The following THSD7B variants were observed in gnomAD, a reference collection of about 807,000 sequenced individuals.
The protein encoded by THSD7B is thrombospondin type-1 domain-containing protein 7B.
A neutral mutation model predicts 213.6 loss-of-function variants in THSD7B; 138 were observed. That is an observed-to-expected ratio of 0.65 (90% CI 0.56 to 0.74). The LOEUF (loss-of-function observed/expected upper bound fraction) is 0.74. Ranked by LOEUF, THSD7B falls within the 30% of genes least tolerant of loss-of-function variation. The pLI, the probability that THSD7B is intolerant of heterozygous loss-of-function variation, is 0.00. For missense variants in THSD7B, 1,931 were observed against 1,991.5 expected, an observed-to-expected ratio of 0.97 and a Z score of 0.58; for synonymous variants, 742 against 687.0, an observed-to-expected ratio of 1.08 and a Z score of -1.25.
At chr2:137,598,680 G>T (rs1469836168) in intron 17 of THSD7B, among the ~76,000 whole-genome samples, 1 of 152,150 alleles carries the variant, frequency 6.6e-6, no homozygotes, top group Non-Finnish European at 1.5e-5. Flanking sequence ...TCCTGATATT[G>T]TTAATGTGTT....
chr2:137,262,447 G>C (rs1169351703), intron 10 of THSD7B, among the ~76,000 whole-genome samples: 1 of 149,964 alleles, frequency 6.7e-6, no homozygotes, highest in Non-Finnish European at 1.5e-5. Context: ...AAGGGGTCAG[G>C]ATTTGCGGAA....
chr2:137,655,597 CTG>C lies in THSD7B; in HGVS notation c.4047_4048del (p.Cys1349TrpfsTer34). On this transcript the variant is annotated frameshift_variant, in exon 22 of 28. Coordinates refer to ENST00000409968, the MANE Select transcript of THSD7B (RefSeq NM_001316349.2). LOFTEE classifies it high-confidence loss of function. ...SHAAGRVEDA[L>X]CGEMPFQDSI... ...TGCAGCTGGACGTGTCGAGGATGCACTGTGTGGAGAAATGCCCTTTCAGGACA... is the reference window on the plus strand; with the variant it reads ...TGCAGCTGGACGTGTCGAGGATGCACTGTGGAGAAATGCCCTTTCAGGACA... The C allele has an allele frequency of 6.2e-7, 1 of 1,613,072 alleles. No individual in the cohort carries two copies. The highest frequency in any genetic ancestry group is 8.5e-7 in the Non-Finnish European group (1 of 1,179,578).
At chr2:136,902,318 A>G (rs747693707) in intron 2 of THSD7B, among the ~76,000 whole-genome samples, 6 of 152,238 alleles carry the variant, frequency 3.9e-5, no homozygotes, top group Non-Finnish European at 8.8e-5. Flanking sequence ...AGTACAATTT[A>G]TGTTTTAATA....
intron 20 of THSD7B, among the ~76,000 whole-genome samples, chr2:137,639,299 C>T (rs1682893703): frequency 6.6e-6 from 1 of 152,144 alleles, no homozygotes; most frequent in African/African-American, 2.4e-5. Flanking sequence ...TTGGCAGCTT[C>T]CATGTGGTGT....
intron 1 of THSD7B, among the ~76,000 whole-genome samples, chr2:136,810,830 T>C (rs1361218504): frequency 1.3e-5 from 2 of 152,216 alleles, no homozygotes; most frequent in African/African-American, 4.8e-5. Flanking sequence ...AAATAAAATG[T>C]GATGACATTG....
intron 13 of THSD7B, among the ~76,000 whole-genome samples, chr2:137,406,719 G>A (rs1165009453): frequency 8.5e-5 from 13 of 152,164 alleles, no homozygotes; most frequent in Non-Finnish European, 1.8e-4. Context: ...GGCTTTAACA[G>A]GATTTCTGCA....
intron 22 of THSD7B, 149 bp downstream of exon 22, chr2:137,655,809 T>C (rs62168468): frequency 9.6e-7 from 1 of 1,039,842 alleles, no homozygotes; most frequent in Non-Finnish European, 1.3e-6. Flanking sequence ...CTTTGGTATA[T>C]ACCTACGGCT....
chr2:137,088,805 G>A (rs112796072), intron 3 of THSD7B, among the ~76,000 whole-genome samples: 1,577 of 152,104 alleles, frequency 0.01, 14 homozygotes, highest in Middle Eastern at 0.027. Flanking sequence ...CAAAAAGTGG[G>A]CTAAGGACAT....
In THSD7B at chr2:137,365,347, C is replaced by T. The variant is rs189536214; in HGVS notation, c.2501-40266C>T. ...TAGGCATGGGCAAGGACTTCATGACCAAAACACCAAAAGCAATGGCAACAA... is the reference window on the plus strand; with the variant it reads ...TAGGCATGGGCAAGGACTTCATGACTAAAACACCAAAAGCAATGGCAACAA... On this transcript the variant is annotated intron_variant, in intron 12 of 27. Transcript: ENST00000409968. Among the ~76,000 whole-genome samples, 37 of 152,120 alleles carry T rather than the reference C, an allele frequency of 2.4e-4. No homozygotes were observed. In the East Asian group the frequency reaches 7.2e-3, roughly 29 times the overall value.
At chr2:137,206,330 A>G (rs547129131) in intron 7 of THSD7B, among the ~76,000 whole-genome samples, 1 of 152,200 alleles carries the variant, frequency 6.6e-6, no homozygotes, top group South Asian at 2.1e-4. Flanking sequence ...TAAACAGGGA[A>G]ATGGAAATGA....
intron 5 of THSD7B, among the ~76,000 whole-genome samples, chr2:137,117,283 A>C (rs1688462217): frequency 6.6e-6 from 1 of 152,160 alleles, no homozygotes; most frequent in Non-Finnish European, 1.5e-5. Context: ...ACAAATCTGG[A>C]ATGAGAATTT....
chr2:137,025,109 TAG>T (rs1484925862), intron 2 of THSD7B, among the ~76,000 whole-genome samples: 6 of 152,168 alleles, frequency 3.9e-5, no homozygotes, highest in African/African-American at 1.2e-4. Context: ...AGTTCCCCGT[TAG>T]AGTTAAAGTC....
At chr2:137,333,559 C>G (rs1434720024) in intron 12 of THSD7B, among the ~76,000 whole-genome samples, 1 of 152,182 alleles carries the variant, frequency 6.6e-6, no homozygotes, top group Non-Finnish European at 1.5e-5. Context: ...TTGGCACATC[C>G]TGCACTTCAT....
Position 137,437,005 on chromosome 2 carries a change from C to A in THSD7B, c.2960-13840C>A, listed in dbSNP as rs192134867. ...ATAGGTTAGTTTTACCTAATTATTT[C>A]CAATAGCAGCAAAATGAATATTTGT... On this transcript the variant is annotated intron_variant, in intron 14 of 27. Transcript: ENST00000409968. Among the ~76,000 whole-genome samples the A allele has an allele frequency of 2.7e-3, 418 of 152,176 alleles. 1 individual carries two copies. Among genetic ancestry groups the A allele is most frequent in the African/African-American group, 9.1e-3 (376 of 41,532 alleles).
intron 7 of THSD7B, among the ~76,000 whole-genome samples, chr2:137,226,303 C>T (rs111921018): frequency 0.012 from 1,782 of 151,730 alleles, 34 homozygotes; most frequent in African/African-American, 0.041. Flanking sequence ...TGTTGGTCTA[C>T]TTTTCAAATT....
intron 15 of THSD7B, among the ~76,000 whole-genome samples, chr2:137,490,058 A>G (rs757089540): frequency 1.1e-4 from 16 of 152,214 alleles, no homozygotes; most frequent in Non-Finnish European, 1.9e-4. Flanking sequence ...TGAACATACC[A>G]TATGATCAGA....
chr2:137,303,889 A>G (rs1478249181), intron 12 of THSD7B, among the ~76,000 whole-genome samples: 1 of 151,172 alleles, frequency 6.6e-6, no homozygotes, highest in East Asian at 1.9e-4. Flanking sequence ...TACACGTGCC[A>G]TGGTGGTTTG....
At chr2:137,254,613 AC>A (rs1194320792) in intron 10 of THSD7B, among the ~76,000 whole-genome samples, 2 of 152,060 alleles carry the variant, frequency 1.3e-5, no homozygotes, top group Non-Finnish European at 2.9e-5. Flanking sequence ...TCACTTTTTC[AC>A]AGTATTTTGA....
chr2:137,293,285 C>T (rs916423941), intron 12 of THSD7B, among the ~76,000 whole-genome samples: 3 of 151,862 alleles, frequency 2.0e-5, no homozygotes, highest in African/African-American at 2.4e-5. Flanking sequence ...ATGACAGGTG[C>T]GTGCCACCAC....
Sources: gnomAD v4.1 joint callset for allele counts (sites outside exome capture counted in the v4.1 genomes callset) on GRCh38, gnomAD v4.1.1 for gene constraint, MANE v1.5 for transcripts, NCBI Gene and HGNC (gene_info 2026-07-23, HGNC 2026-07-21) for gene names.